The following PTER variants were observed in gnomAD, a reference collection of about 807,000 sequenced individuals.
The protein encoded by PTER is phosphotriesterase related.
Under a neutral mutation model 29.6 loss-of-function variants are expected in PTER, and 38 were observed. The observed-to-expected ratio is 1.28, with a 90% CI of 0.99 to 1.68. The LOEUF (loss-of-function observed/expected upper bound fraction) is 1.68. Among genes scored for constraint, PTER ranks in the 40% most tolerant of loss-of-function variants. The pLI, the probability that PTER is intolerant of heterozygous loss-of-function variation, is 0.00. For synonymous variants in PTER, 172 were observed against 154.5 expected, an observed-to-expected ratio of 1.11 and a Z score of -0.84; for missense variants, 482 against 427.8, an observed-to-expected ratio of 1.13 and a Z score of -1.12.
At chr10:16,453,464 T>A (rs954029022) in intron 1 of PTER, among the ~76,000 whole-genome samples, 1 of 152,144 alleles carries the variant, frequency 6.6e-6, no homozygotes, top group Non-Finnish European at 1.5e-5. Flanking sequence ...GCAGTCAGCA[T>A]CACGTATTTG....
At chr10:16,517,442 CAGTATT>C (rs1836968600), downstream of PTER, among the ~76,000 whole-genome samples, 1 of 152,070 alleles carries the variant, frequency 6.6e-6, no homozygotes, top group African/African-American at 2.4e-5. Flanking sequence ...AATCCTGAAA[CAGTATT>C]AGTTTTCATT....
At position 16,487,473 on chromosome 10, in the gene PTER, C is replaced by T. The variant is rs79495507; in HGVS notation, c.698+856C>T. ...CACAGTTGCCATTGGATTTATGGCCCGTCCAGATAATCCAGAATAATCTCA... is the reference window on the plus strand; with the variant it reads ...CACAGTTGCCATTGGATTTATGGCCTGTCCAGATAATCCAGAATAATCTCA... On this transcript the variant is annotated intron_variant, in intron 3 of 4. Transcript: ENST00000535784. 5.3e-3 allele frequency among the ~76,000 whole-genome samples: 809 copies of T among 152,242 alleles called. 7 individuals carry two copies. The highest frequency in any genetic ancestry group is 0.018 in the African/African-American group (762 of 41,532).
downstream of PTER, among the ~76,000 whole-genome samples, chr10:16,515,422 A>G (rs537124567): frequency 6.6e-6 from 1 of 152,230 alleles, no homozygotes; most frequent in South Asian, 2.1e-4. Context: ...TCAAGAATTT[A>G]ACCTCAACAT....
At chr10:16,454,047 C>T (rs902518573) in intron 1 of PTER, among the ~76,000 whole-genome samples, 1 of 152,164 alleles carries the variant, frequency 6.6e-6, no homozygotes, top group Admixed American at 6.6e-5. Context: ...TTTTCTTCCT[C>T]TTGGGGAAAT....
chr10:16,505,049 A>G lies in PTER; in HGVS notation c.728A>G (p.Glu243Gly). 6.2e-7 allele frequency: 1 copy of G among 1,613,972 alleles called. No homozygotes were observed. The highest frequency in any genetic ancestry group is 8.5e-7 in the Non-Finnish European group (1 of 1,179,910). The change falls in exon 4 of 5, where the codon GAG becomes GGG. Residue 243 changes from glutamate (E) to glycine (G), a missense_variant. By Grantham distance (98) the Glu-to-Gly change is moderately conservative. Transcript: ENST00000535784. ...RTILDKKELL[E>G]FAQLGCYLEY... is the part of the protein sequence containing the mutation. Reference sequence around the variant, plus strand: ...ATTCTTGATAAGAAAGAGCTCTTGGAGTTTGCTCAACTTGGCTGCTACTTG... The same window carrying G: ...ATTCTTGATAAGAAAGAGCTCTTGGGGTTTGCTCAACTTGGCTGCTACTTG...
At chr10:16,452,269 G>A (rs1834240754) in intron 1 of PTER, among the ~76,000 whole-genome samples, 1 of 145,382 alleles carries the variant, frequency 6.9e-6, no homozygotes, top group South Asian at 2.2e-4. Flanking sequence ...TGAAAGCACT[G>A]AAAAAAGCCA....
intron 4 of PTER, among the ~76,000 whole-genome samples, chr10:16,507,366 G>A (rs1216090742): frequency 1.8e-4 from 28 of 152,056 alleles, no homozygotes; most frequent in Admixed American, 1.6e-3. Context: ...CAGAGGGGGA[G>A]CAGTAGTTCC....
chr10:16,508,696 A>G (rs1434769687), intron 4 of PTER, among the ~76,000 whole-genome samples: 1 of 152,134 alleles, frequency 6.6e-6, no homozygotes, highest in African/African-American at 2.4e-5. Flanking sequence ...GTATATATAT[A>G]TAAAATACCT....
intron 1 of PTER, among the ~76,000 whole-genome samples, chr10:16,478,336 T>TG (rs1377378852): frequency 2.4e-5 from 1 of 42,468 alleles, no homozygotes; most frequent in East Asian, 1.3e-3. Flanking sequence ...CTCGTTTCCG[T>TG]TTTTTTTTTT....
intron 1 of PTER, chr10:16,476,081 A>G (rs1835248795): frequency 6.6e-6 from 1 of 152,030 alleles, no homozygotes; most frequent in Non-Finnish European, 1.5e-5. Flanking sequence ...CTGAACATTT[A>G]TATATTATTA....
At position 16,505,098 on chromosome 10, in the gene PTER, A is replaced by C; in HGVS notation, c.777A>C (p.Glu259Asp). 1.2e-6 allele frequency: 2 copies of C among 1,614,024 alleles called. No individual in the cohort carries two copies. Among genetic ancestry groups the C allele is most frequent in the Non-Finnish European group, 1.7e-6 (2 of 1,179,922 alleles). The stretch of plus-strand genomic sequence containing the variant: ...TGGAATATGATCTCTTTGGTACTGA[A>C]CTACTTCATTACCAACTCGGCCCAG... ...CYLEYDLFGT[E>D]LLHYQLGPDI... The change falls in exon 4 of 5, where the codon GAA (glutamate) becomes GAC (aspartate). Residue 259 changes from glutamate to aspartate, a missense_variant. Coordinates refer to ENST00000535784, the MANE Select transcript of PTER (RefSeq NM_001261836.2).
At chr10:16,511,019 C>T (rs781264073) in intron 4 of PTER, 27 bp from the exon 5 acceptor site, 38 of 1,582,636 alleles carry the variant, frequency 2.4e-5, no homozygotes, top group Non-Finnish European at 4.3e-6. Flanking sequence ...AGACAAATGA[C>T]ATCTAATGAG....
intron 1 of PTER, among the ~76,000 whole-genome samples, chr10:16,472,269 G>A (rs539781274): frequency 3.7e-4 from 57 of 152,224 alleles, no homozygotes; most frequent in South Asian, 1.2e-3. Context: ...TTATGATTTA[G>A]CATTTATCCC....
chr10:16,443,594 C>T (rs962087973), intron 1 of PTER, among the ~76,000 whole-genome samples: 18 of 152,094 alleles, frequency 1.2e-4, no homozygotes, highest in African/African-American at 1.2e-4. Flanking sequence ...GCTTAATGCT[C>T]GTGACTTTAA....
chr10:16,479,237 G>A (rs1835390067), intron 1 of PTER, among the ~76,000 whole-genome samples: 1 of 152,072 alleles, frequency 6.6e-6, no homozygotes, highest in Non-Finnish European at 1.5e-5. Flanking sequence ...CTTAAGTGGT[G>A]GGATTTCTTT....
chr10:16,460,196 A>G (rs1588593717), intron 1 of PTER, among the ~76,000 whole-genome samples: 1 of 152,244 alleles, frequency 6.6e-6, no homozygotes, highest in African/African-American at 2.4e-5. Context: ...TGGAATTGAG[A>G]TTAGGTCTTC....
At chr10:16,486,791 G>A (rs780118942) in intron 3 of PTER, 174 bp downstream of exon 3, 4 of 719,820 alleles carry the variant, frequency 5.6e-6, no homozygotes, top group Non-Finnish European at 8.8e-6. Context: ...AGTCAATGCT[G>A]CCATTTTTGT....
intron 1 of PTER, among the ~76,000 whole-genome samples, chr10:16,461,842 G>A (rs1039049101): frequency 1.3e-5 from 2 of 151,942 alleles, no homozygotes; most frequent in Non-Finnish European, 2.9e-5. Context: ...TTGCCCTAGG[G>A]TTTCATTATA....
intron 1 of PTER, chr10:16,437,345 T>C (rs1833688101): frequency 6.6e-6 from 1 of 151,452 alleles, no homozygotes; most frequent in South Asian, 2.1e-4. Flanking sequence ...TTTTTTTTTT[T>C]TTTTTTTTTA....
Sources: gnomAD v4.1 joint callset for allele counts (sites outside exome capture counted in the v4.1 genomes callset) on GRCh38, gnomAD v4.1.1 for gene constraint, MANE v1.5 for transcripts, NCBI Gene and HGNC (gene_info 2026-07-23, HGNC 2026-07-21) for gene names.